The following SLC35F3 variants were observed in gnomAD, a reference collection of about 807,000 sequenced individuals.
SLC35F3 encodes the protein solute carrier family 35 member F3, also known as putative thiamine transporter SLC35F3.
In SLC35F3, 25 loss-of-function variants were observed where a neutral mutation model predicts 49.9. That is an observed-to-expected ratio of 0.50 (90% CI 0.37 to 0.70). The LOEUF (loss-of-function observed/expected upper bound fraction) is 0.70. Among genes scored for constraint, SLC35F3 ranks in the 30% least tolerant of loss-of-function variants. SLC35F3 has a pLI of 0.00. For missense variants in SLC35F3, 525 were observed against 639.8 expected, an observed-to-expected ratio of 0.82 and a Z score of 1.94; for synonymous variants, 275 against 265.4, an observed-to-expected ratio of 1.04 and a Z score of -0.35.
chr1:234,044,162 G>A (rs759483494), intron 2 of SLC35F3, among the ~76,000 whole-genome samples: 3 of 152,192 alleles, frequency 2.0e-5, no homozygotes, highest in Non-Finnish European at 4.4e-5. Context: ...CTGCAAGATA[G>A]TGTTTGGCCT....
At chr1:234,094,886 T>C (rs1376038415) in intron 2 of SLC35F3, among the ~76,000 whole-genome samples, 1 of 151,732 alleles carries the variant, frequency 6.6e-6, no homozygotes, top group Non-Finnish European at 1.5e-5. Flanking sequence ...TGGGTAGACA[T>C]GTGCACACAT....
At chr1:234,032,173 G>A (rs1318694258) in intron 2 of SLC35F3, among the ~76,000 whole-genome samples, 1 of 151,946 alleles carries the variant, frequency 6.6e-6, no homozygotes, top group Non-Finnish European at 1.5e-5. Context: ...TTTTCTCTCT[G>A]TGTTCGTATG....
intron 2 of SLC35F3, among the ~76,000 whole-genome samples, chr1:233,910,300 T>C (rs1284675253): frequency 6.6e-6 from 1 of 152,128 alleles, no homozygotes; most frequent in East Asian, 1.9e-4. Context: ...GAAAAATCTG[T>C]ATAGTAGACA....
chr1:233,916,503 C>T (rs1661974443), intron 2 of SLC35F3, among the ~76,000 whole-genome samples: 1 of 152,204 alleles, frequency 6.6e-6, no homozygotes, highest in Non-Finnish European at 1.5e-5. Context: ...GACTCCTGGC[C>T]TCAAGCAGTC....
chr1:234,157,989 T>G (rs1372315851), intron 2 of SLC35F3, among the ~76,000 whole-genome samples: 6 of 152,190 alleles, frequency 3.9e-5, no homozygotes, highest in Non-Finnish European at 7.4e-5. Context: ...TCTTAGCTTG[T>G]TTCACAGCCA....
At chr1:234,282,100 T>A (rs1299946238) in intron 3 of SLC35F3, among the ~76,000 whole-genome samples, 3 of 152,200 alleles carry the variant, frequency 2.0e-5, no homozygotes, top group Non-Finnish European at 4.4e-5. Context: ...CCCTCCGGCA[T>A]CATTGTGCCC....
intron 2 of SLC35F3, among the ~76,000 whole-genome samples, chr1:234,171,046 C>T (rs996343947): frequency 2.6e-5 from 4 of 152,230 alleles, no homozygotes; most frequent in Non-Finnish European, 5.9e-5. Flanking sequence ...TGCTCTTAAT[C>T]TTCTCATTCT....
intron 2 of SLC35F3, among the ~76,000 whole-genome samples, chr1:234,080,112 G>A (rs1358362502): frequency 6.6e-6 from 1 of 152,178 alleles, no homozygotes; most frequent in Non-Finnish European, 1.5e-5. Context: ...CGACCTCCAG[G>A]GAGAGGAGAG....
At chr1:234,076,040 G>A (rs951495585) in intron 2 of SLC35F3, among the ~76,000 whole-genome samples, 1 of 152,092 alleles carries the variant, frequency 6.6e-6, no homozygotes, top group East Asian at 1.9e-4. Flanking sequence ...ATTTTCTTCT[G>A]GGTATGTTCT....
intron 3 of SLC35F3, among the ~76,000 whole-genome samples, chr1:234,291,838 C>T (rs1668513085): frequency 6.6e-6 from 1 of 152,142 alleles, no homozygotes. Context: ...TTGTACTTTC[C>T]AAATACACTT....
intron 3 of SLC35F3, among the ~76,000 whole-genome samples, chr1:234,304,032 TC>T: frequency 1.4e-5 from 1 of 71,268 alleles, no homozygotes; most frequent in Non-Finnish European, 3.4e-5. Flanking sequence ...CTTCCTTCCT[TC>T]CTTCCTTCCT....
At chr1:234,114,815 T>G (rs572240147) in intron 2 of SLC35F3, among the ~76,000 whole-genome samples, 1 of 152,312 alleles carries the variant, frequency 6.6e-6, no homozygotes, top group South Asian at 2.1e-4. Context: ...CATGGCTTCC[T>G]TTATTTCAAA....
chr1:233,963,042 G>A (rs80354862), intron 2 of SLC35F3, among the ~76,000 whole-genome samples: 7,212 of 152,278 alleles, frequency 0.047, 263 homozygotes, highest in East Asian at 0.17. Context: ...CAGCTGCAGA[G>A]CCCTGCTGGA....
At chr1:234,088,758 A>G (rs934499410) in intron 2 of SLC35F3, among the ~76,000 whole-genome samples, 1 of 151,928 alleles carries the variant, frequency 6.6e-6, no homozygotes, top group Non-Finnish European at 1.5e-5. Context: ...AACACAGAAG[A>G]TTTCTTTTTT....
chr1:234,069,708 G>C (rs745872181), intron 2 of SLC35F3, among the ~76,000 whole-genome samples: 1 of 152,176 alleles, frequency 6.6e-6, no homozygotes, highest in Non-Finnish European at 1.5e-5. Context: ...GGGTCCCAAA[G>C]TCCCTGAGGT....
chr1:234,053,877 A>G (rs1477859179), intron 2 of SLC35F3, among the ~76,000 whole-genome samples: 2 of 152,176 alleles, frequency 1.3e-5, no homozygotes, highest in East Asian at 1.9e-4. Flanking sequence ...TCTGTAAAGG[A>G]TTTTATTTCT....
intron 2 of SLC35F3, among the ~76,000 whole-genome samples, chr1:234,100,920 G>A (rs556242257): frequency 3.2e-4 from 48 of 152,172 alleles, no homozygotes; most frequent in African/African-American, 1.1e-3. Flanking sequence ...AGTGTTTTCC[G>A]GAGCTCTTTT....
intron 2 of SLC35F3, among the ~76,000 whole-genome samples, chr1:233,921,985 T>A (rs1235789849): frequency 6.6e-6 from 1 of 152,220 alleles, no homozygotes; most frequent in Non-Finnish European, 1.5e-5. Flanking sequence ...TCCTTTTGTA[T>A]GGCTGCATAG....
At chr1:233,938,256 A>G (rs1321655361) in intron 2 of SLC35F3, among the ~76,000 whole-genome samples, 1 of 152,190 alleles carries the variant, frequency 6.6e-6, no homozygotes, top group African/African-American at 2.4e-5. Flanking sequence ...ATCCCTCAAA[A>G]GAAAGCCTGC....
Sources: allele counts gnomAD v4.1 joint callset (sites outside exome capture counted in the v4.1 genomes callset), GRCh38; gene constraint gnomAD v4.1.1; transcripts MANE v1.5; gene names NCBI Gene and HGNC (gene_info 2026-07-23, HGNC 2026-07-21).